RIOK2: variants seen among roughly 807,000 people sequenced by gnomAD.
The protein encoded by RIOK2 is serine/threonine-protein kinase RIO2.
Under a neutral mutation model 62.4 loss-of-function variants are expected in RIOK2, and 46 were observed. That is an observed-to-expected ratio of 0.74 (90% CI 0.58 to 0.94). RIOK2 has a LOEUF of 0.94. RIOK2 is among the 40% of genes least tolerant of loss of function. The probability of loss-of-function intolerance (pLI) is 0.00; values close to 1 mark genes in which losing one functional copy is unlikely to be tolerated. For missense variants in RIOK2, 574 were observed against 658.0 expected (o/e 0.87, Z 1.40); for synonymous variants, 197 against 216.0 (o/e 0.91, Z 0.77).
chr5:97,173,875 T>C (rs985451921), intron 4 of RIOK2, among the ~76,000 whole-genome samples: 1 of 152,256 alleles, frequency 6.6e-6, no homozygotes, highest in African/African-American at 2.4e-5. Context: ...CTAAGCTTAC[T>C]GTCTTCAATC....
chr5:97,179,280 T>C, intron 1 of RIOK2, 87 bp from the exon 2 acceptor site: 1 of 1,222,290 alleles, frequency 8.2e-7, no homozygotes, highest in East Asian at 2.4e-5. Context: ...TCCTTGAAGC[T>C]TTCCTGACTA....
chr5:97,177,029 A>T, intron 4 of RIOK2, 87 bp downstream of exon 4: 1 of 1,096,014 alleles, frequency 9.1e-7, no homozygotes, highest in Non-Finnish European at 1.4e-6. Flanking sequence ...AGATGTGGGG[A>T]CAACAGAATC....
At chr5:97,167,049 TG>T (rs1748862428) in intron 8 of RIOK2, 3 of 440,102 alleles carry the variant, frequency 6.8e-6, no homozygotes, top group Middle Eastern at 1.1e-3. Context: ...CCCAAGTAGC[TG>T]GGATTACAAG....
At chr5:97,180,830 G>A (rs981141476) in intron 1 of RIOK2, among the ~76,000 whole-genome samples, 14 of 152,114 alleles carry the variant, frequency 9.2e-5, no homozygotes, top group Admixed American at 9.2e-4. Flanking sequence ...GAAGGGTAAA[G>A]GGAACGGAAA....
intron 6 of RIOK2, among the ~76,000 whole-genome samples, chr5:97,170,693 A>G (rs1170496985): frequency 2.0e-5 from 3 of 152,240 alleles, no homozygotes; most frequent in African/African-American, 7.2e-5. Flanking sequence ...TCAAATTCTT[A>G]TGGGGAAAAC....
chr5:97,182,609 A>G lies in RIOK2; in HGVS notation c.66+517T>C, dbSNP rs80226413. Among the ~76,000 whole-genome samples the G allele has an allele frequency of 1.5e-3, 224 of 151,930 alleles. 1 individual carries two copies. Among genetic ancestry groups the G allele is most frequent in the Non-Finnish European group, 2.7e-3 (181 of 67,954 alleles). Reference sequence around the variant, plus strand: ...TTTCATAGCATTTATCCATTATCCTATTTTTCGTTTACTTGATGATCTGTG... The same window carrying G: ...TTTCATAGCATTTATCCATTATCCTGTTTTTCGTTTACTTGATGATCTGTG... On this transcript the variant is annotated intron_variant, in intron 1 of 9. Coordinates refer to ENST00000283109, the MANE Select transcript of RIOK2 (RefSeq NM_018343.3).
intron 6 of RIOK2, among the ~76,000 whole-genome samples, chr5:97,171,002 A>T (rs903101075): frequency 1.5e-4 from 21 of 142,332 alleles, no homozygotes; most frequent in African/African-American, 5.5e-4. Flanking sequence ...AAAAAAAAAA[A>T]TACAAAAAAT....
At chr5:97,169,646 A>T (rs1348824958) in intron 6 of RIOK2, among the ~76,000 whole-genome samples, 1 of 152,182 alleles carries the variant, frequency 6.6e-6, no homozygotes, top group Non-Finnish European at 1.5e-5. Flanking sequence ...AAATACTAAT[A>T]CATTTTAAAA....
In RIOK2 at chr5:97,173,115, A is replaced by G. The variant is rs969888312; in HGVS notation, c.587+60T>C. Reference sequence around the variant, plus strand: ...ATTAACTAAAAAAAATTTTATTAAAAACCCTGAAACTTAAATTCATTTATC... The same window carrying G: ...ATTAACTAAAAAAAATTTTATTAAAGACCCTGAAACTTAAATTCATTTATC... On this transcript the variant is annotated intron_variant, in intron 5 of 9. Coordinates refer to ENST00000283109, the MANE Select transcript of RIOK2 (RefSeq NM_018343.3). The G allele has an allele frequency of 2.4e-6, 3 of 1,259,028 alleles. No individual in the cohort carries two copies. In the African/African-American group the frequency reaches 4.6e-5, roughly 19 times the overall value. The allele number at this position is 1,259,028 out of a possible 1,614,324, so 78.0% of individuals were successfully genotyped here. A position where few individuals can be genotyped will look rare whatever the true frequency, so the allele number is the denominator to read the frequency against.
At chr5:97,168,482 G>A (rs993499383) in intron 7 of RIOK2, among the ~76,000 whole-genome samples, 1 of 152,140 alleles carries the variant, frequency 6.6e-6, no homozygotes, top group Non-Finnish European at 1.5e-5. Flanking sequence ...CCTTATGAAT[G>A]AGTTACTCAA....
rs765984951 is a variant in RIOK2 at position 97,183,133 on chromosome 5, AAG to A, written c.57_58del (p.Leu20AspfsTer4). ...GAACGGCGGGTTTCTTACCGCGGTC[AAG>A]ACCCTGAAGTCATCTCGGCTCATGT... On this transcript the variant is annotated frameshift_variant, in exon 1 of 10. Transcript: ENST00000283109. LOFTEE classifies it high-confidence loss of function. The A allele has an allele frequency of 6.2e-7, 1 of 1,614,128 alleles. No homozygotes were observed. The highest frequency in any genetic ancestry group is 1.3e-5 in the African/African-American group (1 of 75,044).
At chr5:97,182,996 C>A in intron 1 of RIOK2, 130 bp downstream of exon 1, 1 of 978,546 alleles carries the variant, frequency 1.0e-6, no homozygotes, top group East Asian at 2.4e-5. Flanking sequence ...ATGCTCTCTT[C>A]TCCATTCCCA....
In RIOK2 at chr5:97,162,867, T is replaced by C. The variant is rs898738046; in HGVS notation, c.*194A>G. 4.0e-6 allele frequency: 2 copies of C among 505,774 alleles called. No homozygotes were observed. The highest frequency in any genetic ancestry group is 5.0e-4 in the Middle Eastern group (1 of 2,004). 31.3% of individuals were successfully genotyped at this position (505,774 alleles called of 1,614,324 possible). Reference sequence around the variant, plus strand: ...ACGTAACTGTAGTTACCCAAATTACTTTGAAAAAAATGGACTGCTTTGGCA... The same window carrying C: ...ACGTAACTGTAGTTACCCAAATTACCTTGAAAAAAATGGACTGCTTTGGCA... On this transcript the variant is annotated 3_prime_UTR_variant, in exon 10 of 10. Coordinates refer to ENST00000283109, the MANE Select transcript of RIOK2 (RefSeq NM_018343.3).
Position 97,167,549 on chromosome 5 carries a change from G to T in RIOK2, c.1315C>A (p.Pro439Thr). The change falls in exon 8 of 10, where the codon CCT (proline) becomes ACT (threonine). Residue 439 changes from proline (P) to threonine (T), a missense_variant. Coordinates refer to ENST00000283109, the MANE Select transcript of RIOK2 (RefSeq NM_018343.3). ...TCTTCATACTCGTCAGAGCCAGCAG[G>T]GACTCCTCCTTGAACTCTCTGACCA... ...QDGQRVQGGVPAGSDEYEDEC... is the reference protein window; with the variant it reads ...QDGQRVQGGVTAGSDEYEDEC... 1 of 1,614,126 alleles carries T rather than the reference G, an allele frequency of 6.2e-7. No homozygotes were observed. The highest frequency in any genetic ancestry group is 8.5e-7 in the Non-Finnish European group (1 of 1,180,000).
At chr5:97,175,059 A>AAAATAAAT (rs78028300) in intron 4 of RIOK2, among the ~76,000 whole-genome samples, 11,576 of 151,020 alleles carry the variant, frequency 0.077, 498 homozygotes, top group Middle Eastern at 0.093. Context: ...CCTTGTCTTG[A>AAAATAAAT]AAATAAATAA....
chr5:97,162,781 C>T lies in RIOK2; in HGVS notation c.*280G>A, dbSNP rs558145203. ...ATTGTAGCATATCATCCTCAACAAA[C>T]AGAAAACAACAAAAATGTTATTTAG... is the stretch of plus-strand genomic sequence containing the variant. On this transcript the variant is annotated 3_prime_UTR_variant, in exon 10 of 10. Coordinates refer to ENST00000283109, the MANE Select transcript of RIOK2 (RefSeq NM_018343.3). The T allele has an allele frequency of 8.2e-4, 258 of 314,256 alleles. No homozygotes were observed. The highest frequency in any genetic ancestry group is 1.3e-3 in the Non-Finnish European group (222 of 171,882). The allele number at this position is 314,256 out of a possible 1,614,324, so 19.5% of individuals were successfully genotyped here. A position where few individuals can be genotyped will look rare whatever the true frequency, so the allele number is the denominator to read the frequency against.
chr5:97,171,941 G>A (rs548853126), intron 5 of RIOK2, among the ~76,000 whole-genome samples: 1 of 152,126 alleles, frequency 6.6e-6, no homozygotes, highest in East Asian at 1.9e-4. Context: ...AAATCCAAAG[G>A]TCAATTCTTA....
At chr5:97,173,102 A>C in intron 5 of RIOK2, 73 bp downstream of exon 5, 1 of 1,115,942 alleles carries the variant, frequency 9.0e-7, no homozygotes, top group Non-Finnish European at 1.3e-6. Flanking sequence ...TAACTAAAAA[A>C]AATTTTATTA....
intron 1 of RIOK2, among the ~76,000 whole-genome samples, chr5:97,181,812 TG>T (rs1749421703): frequency 6.6e-6 from 1 of 152,172 alleles, no homozygotes; most frequent in Non-Finnish European, 1.5e-5. Flanking sequence ...GGAATGAGTG[TG>T]CTGAGAAAGC....
Sources: gnomAD v4.1 joint callset for allele counts (sites outside exome capture counted in the v4.1 genomes callset) on GRCh38, gnomAD v4.1.1 for gene constraint, MANE v1.5 for transcripts, NCBI Gene and HGNC (gene_info 2026-07-23, HGNC 2026-07-21) for gene names.